The following BABAM2 variants were observed in gnomAD, a reference collection of about 807,000 sequenced individuals.
BABAM2 encodes the protein BRISC and BRCA1-A complex member 2.
In BABAM2, 31 loss-of-function variants were observed where a neutral mutation model predicts 54.7. The observed-to-expected ratio is 0.57, with a 90% CI of 0.43 to 0.77. BABAM2 has a LOEUF of 0.77. Ranked by LOEUF, BABAM2 falls within the 30% of genes least tolerant of loss-of-function variation. The pLI is 0.00. For missense variants in BABAM2, 364 were observed against 455.8 expected (o/e 0.80, Z 1.83); for synonymous variants, 167 against 162.9 (o/e 1.03, Z -0.19).
intron 7 of BABAM2, among the ~76,000 whole-genome samples, chr2:28,182,622 C>A (rs945376586): frequency 6.6e-6 from 1 of 152,166 alleles, no homozygotes; most frequent in Non-Finnish European, 1.5e-5. Context: ...ATTCAGGGTT[C>A]CCAGCCTTGA....
intron 7 of BABAM2, among the ~76,000 whole-genome samples, chr2:28,137,956 A>G (rs1670692813): frequency 1.3e-5 from 2 of 152,192 alleles, no homozygotes; most frequent in Admixed American, 6.5e-5. Context: ...AATCAGGCCT[A>G]GCACCTTTCT....
At chr2:28,331,329 TTAAAC>T (rs1256799310) in intron 11 of BABAM2, among the ~76,000 whole-genome samples, 3 of 152,084 alleles carry the variant, frequency 2.0e-5, no homozygotes, top group African/African-American at 7.2e-5. Context: ...TGGGATCTAA[TTAAAC>T]TAAAGAGCTT....
At chr2:28,174,586 G>T (rs937031911) in intron 7 of BABAM2, among the ~76,000 whole-genome samples, 1 of 152,118 alleles carries the variant, frequency 6.6e-6, no homozygotes. Flanking sequence ...GTGGGGAAAG[G>T]GGGAGAGATC....
At chr2:28,116,096 C>T (rs1212684224) in intron 6 of BABAM2, among the ~76,000 whole-genome samples, 2 of 149,958 alleles carry the variant, frequency 1.3e-5, no homozygotes, top group African/African-American at 2.5e-5. Context: ...GCCTGGGCAA[C>T]GAGAGCGAAA....
intron 7 of BABAM2, among the ~76,000 whole-genome samples, chr2:28,140,193 C>G (rs1349067704): frequency 6.6e-6 from 1 of 152,062 alleles, no homozygotes; most frequent in Non-Finnish European, 1.5e-5. Context: ...TCTCTAATTC[C>G]TCCTATCCTG....
upstream of BABAM2, chr2:27,890,227 C>G (rs369002158): frequency 4.5e-5 from 72 of 1,607,190 alleles, no homozygotes; most frequent in South Asian, 1.9e-4. The surrounding 1 kb of genome is among the most constrained non-coding windows in gnomAD (Gnocchi z 4.8). Context: ...TCCCCCGAGC[C>G]GCAGACTGAG....
intron 2 of BABAM2, among the ~76,000 whole-genome samples, chr2:27,900,368 C>CT (rs557118072): frequency 0.049 from 6,789 of 138,144 alleles, 187 homozygotes; most frequent in South Asian, 0.11. Context: ...AGCAAGATTT[C>CT]TTTTTTTTTT....
rs192364666 is a variant in BABAM2 at position 28,231,594 on chromosome 2, C to T, written c.681-5608C>T. 3.3e-4 allele frequency among the ~76,000 whole-genome samples: 50 copies of T among 152,080 alleles called. No individual in the cohort carries two copies. In the East Asian group the frequency reaches 9.5e-3, roughly 29 times the overall value. ...GAGGCAGCCAGGTCAACTTCCTCTC[C>T]CTCAGAACCCAATTCAGGGGCAAAA... On this transcript the variant is annotated intron_variant, in intron 7 of 11. Transcript: ENST00000379624.
At chr2:28,321,408 C>T (rs984028644) in intron 11 of BABAM2, among the ~76,000 whole-genome samples, 1 of 152,232 alleles carries the variant, frequency 6.6e-6, no homozygotes, top group Non-Finnish European at 1.5e-5. Context: ...GAGGTTCCAT[C>T]TCTAACCCAT....
At chr2:28,073,226 G>A (rs977141461) in intron 6 of BABAM2, among the ~76,000 whole-genome samples, 1 of 152,158 alleles carries the variant, frequency 6.6e-6, no homozygotes, top group Non-Finnish European at 1.5e-5. Context: ...TGGGTGTGGT[G>A]GCTCACACTT....
At chr2:28,206,388 G>A (rs533414414) in intron 7 of BABAM2, among the ~76,000 whole-genome samples, 37 of 152,238 alleles carry the variant, frequency 2.4e-4, no homozygotes, top group Middle Eastern at 3.4e-3. Context: ...ACCATGATCC[G>A]AGCTGTGGCC....
At chr2:28,085,197 CTTGTA>C (rs1208996962) in intron 6 of BABAM2, among the ~76,000 whole-genome samples, 1 of 152,124 alleles carries the variant, frequency 6.6e-6, no homozygotes, top group African/African-American at 2.4e-5. Context: ...TAGAACATTA[CTTGTA>C]TTGTGTTAAC....
At chr2:27,983,795 A>G (rs964062821) in intron 3 of BABAM2, among the ~76,000 whole-genome samples, 10 of 151,882 alleles carry the variant, frequency 6.6e-5, no homozygotes, top group Admixed American at 1.3e-4. Context: ...ATTTTTGTAC[A>G]TTTATCTTGT....
intron 7 of BABAM2, among the ~76,000 whole-genome samples, chr2:28,198,271 T>C (rs767075686): frequency 3.2e-4 from 49 of 152,118 alleles, no homozygotes; most frequent in Middle Eastern, 3.4e-3. Context: ...TCACGCCATT[T>C]TCCTGCCTCA....
upstream of BABAM2, chr2:27,890,634 G>A (rs1302591340): frequency 6.5e-6 from 2 of 305,722 alleles, no homozygotes; most frequent in Non-Finnish European, 1.2e-5. The surrounding 1 kb of genome is among the most constrained non-coding windows in gnomAD (Gnocchi z 4.8). Context: ...AGGCACCGCG[G>A]GGACGCCTTT....
At position 28,314,350 on chromosome 2, in the gene BABAM2, G is replaced by A. The variant is rs1489360102; in HGVS notation, c.1088+15859G>A. Among the ~76,000 whole-genome samples, 6 of 152,318 alleles carry A rather than the reference G, an allele frequency of 3.9e-5. No individual in the cohort carries two copies. The East Asian group carries it at 1.2e-3, about 29-fold the overall frequency. On this transcript the variant is annotated intron_variant, in intron 11 of 11. Transcript: ENST00000379624. ...CAGAGTCACTTAGTGTAGGAACTGA[G>A]CATATACCTTGGCTTTCCCAACTTT...
chr2:28,019,963 C>G (rs1288826852), intron 4 of BABAM2, among the ~76,000 whole-genome samples: 1 of 152,098 alleles, frequency 6.6e-6, no homozygotes, highest in African/African-American at 2.4e-5. Flanking sequence ...CTTAGTAAGA[C>G]TTTGCATTTA....
chr2:28,193,092 C>T (rs1421012612), intron 7 of BABAM2, among the ~76,000 whole-genome samples: 1 of 151,902 alleles, frequency 6.6e-6, no homozygotes, highest in African/African-American at 2.4e-5. Context: ...GAGGCTTGAA[C>T]CCAGGAGGTG....
intron 6 of BABAM2, among the ~76,000 whole-genome samples, chr2:28,048,157 A>G (rs1379747319): frequency 6.6e-6 from 1 of 152,236 alleles, no homozygotes; most frequent in Non-Finnish European, 1.5e-5. Context: ...GGAAGGTAGA[A>G]CTTGAAAATA....
Sources: gnomAD v4.1 joint callset for allele counts (sites outside exome capture counted in the v4.1 genomes callset) on GRCh38, gnomAD v4.1.1 for gene constraint, Gnocchi (gnomAD v3.1) non-coding constraint, MANE v1.5 for transcripts, NCBI Gene and HGNC (gene_info 2026-07-23, HGNC 2026-07-21) for gene names.